The following MEGF9 variants were observed in gnomAD, a reference collection of about 807,000 sequenced individuals.
The protein encoded by MEGF9 is multiple EGF like domains 9.
Under a neutral mutation model 46.8 loss-of-function variants are expected in MEGF9, and 6 were observed. That is an observed-to-expected ratio of 0.13 (90% CI 0.07 to 0.25). The LOEUF (loss-of-function observed/expected upper bound fraction) is 0.25, where lower values mean the gene tolerates loss of function less well. Ranked by LOEUF, MEGF9 falls within the 10% of genes least tolerant of loss-of-function variation. The probability of loss-of-function intolerance (pLI) is 1.00; values close to 1 mark genes in which losing one functional copy is unlikely to be tolerated. For missense variants in MEGF9, 683 were observed against 792.4 expected (o/e 0.86, Z 1.66); for synonymous variants, 302 against 330.7 (o/e 0.91, Z 0.94).
intron 1 of MEGF9, among the ~76,000 whole-genome samples, chr9:120,675,591 T>G (rs1445623439): frequency 1.3e-5 from 2 of 151,288 alleles, no homozygotes; most frequent in African/African-American, 4.9e-5. Flanking sequence ...AGACCCTGTC[T>G]CAAAAAAAAA....
intron 2 of MEGF9, among the ~76,000 whole-genome samples, chr9:120,628,468 GT>G (rs1170322238): frequency 0.015 from 1,006 of 69,012 alleles, 7 homozygotes; most frequent in African/African-American, 0.046. Flanking sequence ...TCTTGTCGTT[GT>G]TTTTTTTTTT....
At chr9:120,713,297 G>A (rs987853428) in intron 1 of MEGF9, among the ~76,000 whole-genome samples, 1 of 152,128 alleles carries the variant, frequency 6.6e-6, no homozygotes, top group Non-Finnish European at 1.5e-5. Context: ...ACACACATCT[G>A]ATATTTACAT....
At chr9:120,613,361 G>A (rs533356391) in intron 3 of MEGF9, among the ~76,000 whole-genome samples, 4 of 151,134 alleles carry the variant, frequency 2.6e-5, no homozygotes, top group Admixed American at 6.6e-5. Flanking sequence ...GAGGGAGGGG[G>A]GTAAAACAGG....
chr9:120,657,776 C>T (rs982418464), intron 2 of MEGF9, among the ~76,000 whole-genome samples: 1 of 152,062 alleles, frequency 6.6e-6, no homozygotes, highest in Non-Finnish European at 1.5e-5. Flanking sequence ...CTACATGCTA[C>T]GGTATGCTAT....
chr9:120,709,326 T>C (rs1196587799), intron 1 of MEGF9, among the ~76,000 whole-genome samples: 1 of 151,960 alleles, frequency 6.6e-6, no homozygotes, highest in African/African-American at 2.4e-5. Context: ...TGAGGCAGAA[T>C]TGCCTGAAAC....
At chr9:120,610,147 G>A (rs1367020947) in intron 4 of MEGF9, among the ~76,000 whole-genome samples, 2 of 152,102 alleles carry the variant, frequency 1.3e-5, no homozygotes, top group Non-Finnish European at 2.9e-5. Context: ...GCAATAAAAG[G>A]TGGCAGCTGA....
intron 1 of MEGF9, among the ~76,000 whole-genome samples, chr9:120,711,330 A>G (rs978620903): frequency 3.3e-5 from 5 of 152,206 alleles, no homozygotes; most frequent in East Asian, 1.9e-4. Context: ...CTAGATACCG[A>G]TATTTTTTTT....
chr9:120,626,673 AT>A (rs2043526830), intron 2 of MEGF9, among the ~76,000 whole-genome samples: 1 of 152,182 alleles, frequency 6.6e-6, no homozygotes, highest in African/African-American at 2.4e-5. Context: ...ATTAGGTGGG[AT>A]GGGTATAATA....
At chr9:120,606,064 C>T (rs966126194) in intron 5 of MEGF9, among the ~76,000 whole-genome samples, 5 of 151,204 alleles carry the variant, frequency 3.3e-5, no homozygotes, top group African/African-American at 4.9e-5. Flanking sequence ...CCCAGCTACT[C>T]GAGAGGCTGA....
chr9:120,663,898 G>A (rs1323326907), intron 1 of MEGF9, among the ~76,000 whole-genome samples: 1 of 152,046 alleles, frequency 6.6e-6, no homozygotes, highest in African/African-American at 2.4e-5. Flanking sequence ...GGCTTCTGAA[G>A]AACAATAAAA....
intron 1 of MEGF9, among the ~76,000 whole-genome samples, chr9:120,681,535 A>C (rs1724898661): frequency 6.6e-6 from 1 of 152,004 alleles, no homozygotes; most frequent in South Asian, 2.1e-4. Context: ...TTATATGTGC[A>C]TTTCTTTTTA....
Position 120,620,929 on chromosome 9 carries a change from G to A in MEGF9, c.943+1687C>T, listed in dbSNP as rs186345336. Among the ~76,000 whole-genome samples the A allele has an allele frequency of 1.4e-3, 211 of 152,000 alleles. 1 individual carries two copies. Among genetic ancestry groups the A allele is most frequent in the Non-Finnish European group, 2.3e-3 (156 of 67,940 alleles). On this transcript the variant is annotated intron_variant, in intron 3 of 5. Coordinates refer to ENST00000373930, the MANE Select transcript of MEGF9 (RefSeq NM_001080497.3). ...TGAATGAAGAATAAAACTTTCAACC[G>A]ATTTTTCCAGGGTACTTTTGACTTC...
At chr9:120,663,089 A>G (rs556842387) in intron 1 of MEGF9, among the ~76,000 whole-genome samples, 5 of 152,346 alleles carry the variant, frequency 3.3e-5, no homozygotes, top group Admixed American at 1.3e-4. Context: ...TGTTTCAGCA[A>G]GAGAGACCAC....
intron 1 of MEGF9, among the ~76,000 whole-genome samples, chr9:120,704,227 G>A (rs145453217): frequency 0.011 from 1,621 of 151,980 alleles, 29 homozygotes; most frequent in African/African-American, 0.034. Flanking sequence ...CCAGCTACTC[G>A]GGAGGCTGAG....
intron 1 of MEGF9, among the ~76,000 whole-genome samples, chr9:120,694,593 T>C (rs1441333836): frequency 2.0e-5 from 3 of 152,206 alleles, no homozygotes; most frequent in Non-Finnish European, 1.5e-5. Context: ...TTTTTAAACA[T>C]AAGTACAAGA....
At chr9:120,663,085 A>C (rs1469840178) in intron 1 of MEGF9, among the ~76,000 whole-genome samples, 4 of 152,220 alleles carry the variant, frequency 2.6e-5, no homozygotes, top group African/African-American at 4.8e-5. Flanking sequence ...CAAATGTTTC[A>C]GCAAGAGAGA....
chr9:120,654,147 T>A (rs1338869978), intron 2 of MEGF9, among the ~76,000 whole-genome samples: 1 of 152,292 alleles, frequency 6.6e-6, no homozygotes, highest in East Asian at 1.9e-4. Flanking sequence ...ATTACCTGCA[T>A]GAGCTGCAGG....
chr9:120,610,045 AG>A (rs2043438483), intron 4 of MEGF9, among the ~76,000 whole-genome samples: 1 of 152,158 alleles, frequency 6.6e-6, no homozygotes, highest in South Asian at 2.1e-4. Context: ...CCTAGTGGGT[AG>A]TGTGATCTCA....
chr9:120,673,860 C>G (rs1339210451), intron 1 of MEGF9, among the ~76,000 whole-genome samples: 2 of 151,014 alleles, frequency 1.3e-5, no homozygotes, highest in African/African-American at 4.9e-5. Context: ...ATCCCAGCTA[C>G]TGGGGAGGCT....
Sources: gnomAD v4.1 joint callset for allele counts (sites outside exome capture counted in the v4.1 genomes callset) on GRCh38, gnomAD v4.1.1 for gene constraint, MANE v1.5 for transcripts, NCBI Gene and HGNC (gene_info 2026-07-23, HGNC 2026-07-21) for gene names.